Variants in LMAN2 observed in about 807,000 individuals in gnomAD.
The protein encoded by LMAN2 is lectin, mannose binding 2.
In LMAN2, 22 loss-of-function variants were observed where a neutral mutation model predicts 39.3. That is an observed-to-expected ratio of 0.56 (90% confidence interval 0.40 to 0.80). The LOEUF (loss-of-function observed/expected upper bound fraction) is 0.80, where lower values mean the gene tolerates loss of function less well. Among genes scored for constraint, LMAN2 ranks in the 30% least tolerant of loss-of-function variants. The probability of loss-of-function intolerance (pLI) is 0.00; values close to 1 mark genes in which losing one functional copy is unlikely to be tolerated. For synonymous variants in LMAN2, 207 were observed against 207.8 expected (o/e 1.00, Z 0.03); for missense variants, 494 against 505.4 (o/e 0.98, Z 0.22).
intron 3 of LMAN2, 25 bp downstream of exon 3, chr5:177,338,463 C>T (rs1240950911): frequency 4.4e-6 from 7 of 1,598,996 alleles, no homozygotes; most frequent in South Asian, 1.1e-5. Context: ...CCCCACAGGG[C>T]CCAGCTGAGC....
At chr5:177,341,403 A>T (rs1761552673) in intron 2 of LMAN2, among the ~76,000 whole-genome samples, 1 of 152,150 alleles carries the variant, frequency 6.6e-6, no homozygotes, top group African/African-American at 2.4e-5. Context: ...AAGGAACCAG[A>T]GGGAAAAAAG....
intron 2 of LMAN2, among the ~76,000 whole-genome samples, chr5:177,345,312 G>C (rs987394613): frequency 8.3e-5 from 10 of 120,592 alleles, no homozygotes; most frequent in Admixed American, 2.1e-4. Flanking sequence ...TTGCATTCCA[G>C]CCTAGGTGAC....
chr5:177,348,864 A>G (rs888225023), intron 2 of LMAN2, among the ~76,000 whole-genome samples: 13 of 146,518 alleles, frequency 8.9e-5, no homozygotes, highest in African/African-American at 2.6e-4. Context: ...AGCCTGGGTG[A>G]CAGAACAAGA....
chr5:177,336,080 G>A (rs1761464967), intron 6 of LMAN2, among the ~76,000 whole-genome samples: 1 of 152,252 alleles, frequency 6.6e-6, no homozygotes. Context: ...TTACTCGGTA[G>A]ACTCAAAGAT....
chr5:177,334,521 G>C, intron 6 of LMAN2, 118 bp from the exon 7 acceptor site: 1 of 1,404,198 alleles, frequency 7.1e-7, no homozygotes, highest in Non-Finnish European at 9.5e-7. Context: ...GGCCCCTGGG[G>C]AGAGCACTGC....
rs779673371 is a variant in LMAN2 at position 177,351,292 on chromosome 5, C to A, written c.197-1G>T. 2 of 1,613,846 alleles carry A rather than the reference C, an allele frequency of 1.2e-6. No individual in the cohort carries two copies. Among genetic ancestry groups the A allele is most frequent in the Admixed American group, 3.3e-5 (2 of 60,034 alleles). The stretch of plus-strand genomic sequence containing the variant: ...AGGGGCATAGAGCTGGAACCGACCC[C>A]TGTGGGAAGAGACAGGTGCTAAGAG... On this transcript the variant is annotated splice_acceptor_variant, in intron 1 of 7. Transcript: ENST00000303127. LOFTEE classifies it high-confidence loss of function.
intron 6 of LMAN2, among the ~76,000 whole-genome samples, chr5:177,336,307 A>G (rs985367138): frequency 2.0e-5 from 3 of 152,156 alleles, no homozygotes; most frequent in Admixed American, 6.5e-5. Flanking sequence ...CAGGGGGAGC[A>G]GTGAGCAGGG....
chr5:177,333,134 C>T (rs939128754), intron 7 of LMAN2, among the ~76,000 whole-genome samples: 5 of 152,216 alleles, frequency 3.3e-5, no homozygotes, highest in African/African-American at 4.8e-5. Context: ...GGCCACTGAC[C>T]GAACGCGGAG....
At chr5:177,335,232 G>A (rs60295026) in intron 6 of LMAN2, among the ~76,000 whole-genome samples, 6,589 of 152,308 alleles carry the variant, frequency 0.043, 441 homozygotes, top group African/African-American at 0.15. Flanking sequence ...GAGACGGCGA[G>A]CGGCCCTGCA....
chr5:177,340,231 G>GT (rs1018779947), intron 2 of LMAN2, among the ~76,000 whole-genome samples: 4 of 151,984 alleles, frequency 2.6e-5, no homozygotes, highest in Admixed American at 6.6e-5. Context: ...CAACAAAAAA[G>GT]TTTTTTTTAA....
intron 2 of LMAN2, among the ~76,000 whole-genome samples, chr5:177,347,277 G>A (rs1761650159): frequency 3.9e-5 from 6 of 152,090 alleles, no homozygotes. Context: ...ACTGAGTGAG[G>A]GAGGTGGGAA....
At chr5:177,349,481 T>C (rs993039601) in intron 2 of LMAN2, among the ~76,000 whole-genome samples, 3 of 151,982 alleles carry the variant, frequency 2.0e-5, no homozygotes, top group East Asian at 1.9e-4. Context: ...CAGAGCCAAA[T>C]AGAAAGGTGG....
At chr5:177,345,353 A>AG (rs1250824220) in intron 2 of LMAN2, among the ~76,000 whole-genome samples, 1 of 151,098 alleles carries the variant, frequency 6.6e-6, no homozygotes, top group East Asian at 1.9e-4. Flanking sequence ...AAAAAAAAAA[A>AG]AAAAAAAAAG....
intron 1 of LMAN2, 39 bp from the exon 2 acceptor site, chr5:177,351,330 C>G (rs148089141): frequency 5.0e-6 from 8 of 1,608,404 alleles, no homozygotes; most frequent in Non-Finnish European, 6.8e-6. Flanking sequence ...CACGCCAGGA[C>G]TGGCCTCACC....
At chr5:177,341,996 C>T (rs1761560307) in intron 2 of LMAN2, among the ~76,000 whole-genome samples, 1 of 151,594 alleles carries the variant, frequency 6.6e-6, no homozygotes, top group Admixed American at 6.6e-5. Flanking sequence ...AAAAATTAAC[C>T]TAAAAGAAGA....
Position 177,346,472 on chromosome 5 carries a change from A to T in LMAN2, c.315+4701T>A, listed in dbSNP as rs78698530. 228 of 252,498 alleles carry T rather than the reference A, an allele frequency of 9.0e-4. 1 individual carries two copies. The highest frequency in any genetic ancestry group is 2.1e-3 in the African/African-American group (90 of 43,470). The allele number at this position is 252,498 out of a possible 1,614,324, so 15.6% of individuals were successfully genotyped here. On this transcript the variant is annotated intron_variant, in intron 2 of 7. Coordinates refer to ENST00000303127, the MANE Select transcript of LMAN2 (RefSeq NM_006816.3). ...GATTACCGGTTGTTGTTTTTTTTTT[A>T]AAAAAAGCAAGCTTCTATAGCTATA...
chr5:177,347,899 G>C (rs1304935051), intron 2 of LMAN2, among the ~76,000 whole-genome samples: 1 of 152,096 alleles, frequency 6.6e-6, no homozygotes, highest in Non-Finnish European at 1.5e-5. Context: ...TGGGAAGATT[G>C]CTTGAGTCCA....
chr5:177,342,655 C>T (rs935267136), intron 2 of LMAN2, among the ~76,000 whole-genome samples: 5 of 152,058 alleles, frequency 3.3e-5, no homozygotes, highest in East Asian at 1.9e-4. Flanking sequence ...CACTGCACTC[C>T]GGCCTAGGCA....
In LMAN2 at chr5:177,337,572, C is replaced by G; in HGVS notation, c.514-48G>C. On this transcript the variant is annotated intron_variant, in intron 4 of 7. Transcript: ENST00000303127. This position sits in a 1 kb window ranked among gnomAD's most constrained non-coding sequence, Gnocchi z 8.2. ...TCCACAAGCAGCCCAGCCTGTGGGG[C>G]GAGCAGGGGCACCCACCACCCCAAT... The G allele has an allele frequency of 6.2e-7, 1 of 1,608,452 alleles. No individual in the cohort carries two copies. The highest frequency in any genetic ancestry group is 8.5e-7 in the Non-Finnish European group (1 of 1,175,902).
Sources: gnomAD v4.1 joint callset for allele counts (sites outside exome capture counted in the v4.1 genomes callset) on GRCh38, gnomAD v4.1.1 for gene constraint, Gnocchi (gnomAD v3.1) non-coding constraint, MANE v1.5 for transcripts, NCBI Gene and HGNC (gene_info 2026-07-23, HGNC 2026-07-21) for gene names.